NEBL: variants seen among roughly 807,000 people sequenced by gnomAD.
NEBL encodes the protein LIM and SH3 protein 2.
A neutral mutation model predicts 140.2 loss-of-function variants in NEBL; 122 were observed. That is an observed-to-expected ratio of 0.87 (90% CI 0.75 to 1.01). NEBL has a LOEUF of 1.01. Among genes scored for constraint, NEBL ranks in the 50% least tolerant of loss-of-function variants. NEBL has a pLI of 0.00. For missense variants in NEBL, 1,365 were observed against 1,231.3 expected, an observed-to-expected ratio of 1.11 and a Z score of -1.62; for synonymous variants, 436 against 398.9, an observed-to-expected ratio of 1.09 and a Z score of -1.11.
rs567183227 is a variant in NEBL, at chr10:21,205,230, C to T, written n.349-32753G>A. ...GGATACTATTTACAAAGTAAGATTACAATATCTGCCCCAAATGTGTAGCAA... is the reference window on the plus strand; with the variant it reads ...GGATACTATTTACAAAGTAAGATTATAATATCTGCCCCAAATGTGTAGCAA... On this transcript the variant is annotated intron_variant and non_coding_transcript_variant, in intron 3 of 8. Transcript: ENST00000675702. Among the ~76,000 whole-genome samples the T allele has an allele frequency of 1.1e-4, 16 of 152,326 alleles. 1 individual carries two copies. In the South Asian group the frequency reaches 3.1e-3, roughly 30 times the overall value.
intron 1 of NEBL, among the ~76,000 whole-genome samples, chr10:21,259,230 G>A (rs1842705336): frequency 6.6e-6 from 1 of 152,080 alleles, no homozygotes; most frequent in African/African-American, 2.4e-5. Context: ...TGGGATTACA[G>A]GAGTGTGCCA....
intron 4 of NEBL, 47 bp downstream of exon 4, chr10:20,888,050 T>C: frequency 7.7e-7 from 1 of 1,292,444 alleles, no homozygotes; most frequent in Non-Finnish European, 1.1e-6. Flanking sequence ...TTTTTCCAGT[T>C]ATATGTTTTA....
rs755744476 is a variant in NEBL, at chr10:20,819,450, T to A, written c.2029A>T (p.Arg677Trp). The change falls in exon 20 of 28, where the codon AGG becomes TGG. Residue 677 changes from arginine (R) to tryptophan (W), a missense_variant. Physicochemically the swap from Arg to Trp is moderately radical, Grantham distance 101. Around this residue, in one of 2 missense-constraint regions of NEBL, gnomAD observed 1,323 missense variants for 1,154.8 expected, o/e 1.15. Transcript: ENST00000377122. Reference protein sequence around the residue: ...VSMTPEIERVRRNQEQLSAVK... With the variant: ...VSMTPEIERVWRNQEQLSAVK... ...GCACTCAGCTGCTCCTGGTTTCGCC[T>A]CACTCTCTCTATCTCCGGGGTCATG... The A allele has an allele frequency of 1.2e-6, 2 of 1,614,124 alleles. No homozygotes were observed. Among genetic ancestry groups the A allele is most frequent in the African/African-American group, 2.7e-5 (2 of 75,054 alleles).
At chr10:21,029,933 G>A in intron 2 of NEBL, 1 of 583,844 alleles carries the variant, frequency 1.7e-6, no homozygotes, top group Non-Finnish European at 3.2e-6. Flanking sequence ...GGGTCGTGCA[G>A]CTCCAGAGAT....
At chr10:20,839,538 C>T (rs1049702210) in intron 13 of NEBL, among the ~76,000 whole-genome samples, 5 of 152,188 alleles carry the variant, frequency 3.3e-5, no homozygotes, top group African/African-American at 9.6e-5. Flanking sequence ...CTCCCTAGTC[C>T]CCACATATAT....
intron 1 of NEBL, among the ~76,000 whole-genome samples, chr10:21,290,036 C>A (rs528947907): frequency 2.0e-5 from 3 of 152,264 alleles, no homozygotes; most frequent in Admixed American, 2.0e-4. Context: ...TGATCTTTAC[C>A]CTGTTATGGG....
chr10:21,124,523 C>T (rs752210331), intron 2 of NEBL, among the ~76,000 whole-genome samples: 41 of 152,166 alleles, frequency 2.7e-4, no homozygotes, highest in Non-Finnish European at 5.1e-4. Flanking sequence ...CCACTTCAGG[C>T]TCATTAGGGT....
rs1186569120 is a variant in NEBL at position 20,787,254 on chromosome 10, A to T, written c.2816T>A (p.Met939Lys). Residue 939 changes from methionine to lysine, a missense_variant, in exon 27 of 28, where the codon ATG becomes AAG. Met to Lys is a moderately conservative substitution (Grantham distance 95, BLOSUM62 -1). Around this residue, in one of 2 missense-constraint regions of NEBL, gnomAD observed 1,323 missense variants for 1,154.8 expected, o/e 1.15. Transcript: ENST00000377122. The part of the protein sequence containing the change: ...QQSHSQGYGY[M>K]HQTSVSSMRS... ...CATGGATGACACACTGGTCTGGTGC[A>T]TGTAGCCATAGCCTTGGGAATGGCT... The T allele has an allele frequency of 6.2e-7, 1 of 1,613,646 alleles. No individual in the cohort carries two copies. The highest frequency in any genetic ancestry group is 1.7e-5 in the Admixed American group (1 of 59,972).
chr10:21,209,005 A>C (rs1841873476), intron 3 of NEBL, among the ~76,000 whole-genome samples: 1 of 152,124 alleles, frequency 6.6e-6, no homozygotes, highest in South Asian at 2.1e-4. Context: ...TTTATACAGC[A>C]AGGAATCTGG....
At chr10:21,234,373 C>T (rs890446992) in intron 3 of NEBL, among the ~76,000 whole-genome samples, 2 of 152,086 alleles carry the variant, frequency 1.3e-5, no homozygotes, top group East Asian at 1.9e-4. Context: ...AAGAGCCTGG[C>T]GCCACCACCT....
intron 3 of NEBL, among the ~76,000 whole-genome samples, chr10:21,004,433 C>T (rs1407060827): frequency 6.6e-6 from 1 of 152,074 alleles, no homozygotes; most frequent in Non-Finnish European, 1.5e-5. Context: ...AAATAAGAAT[C>T]ACCTGGGCCG....
intron 2 of NEBL, among the ~76,000 whole-genome samples, chr10:21,052,515 A>T (rs1834822066): frequency 6.6e-6 from 1 of 152,214 alleles, no homozygotes; most frequent in East Asian, 1.9e-4. Context: ...AAGTCAGTGG[A>T]ACAGGGGACT....
At chr10:21,078,558 G>A (rs895071230) in intron 2 of NEBL, among the ~76,000 whole-genome samples, 8 of 151,890 alleles carry the variant, frequency 5.3e-5, no homozygotes, top group African/African-American at 1.9e-4. Context: ...AACACACACA[G>A]CCCCCATCCC....
chr10:21,239,299 T>C (rs1030913213), intron 3 of NEBL, among the ~76,000 whole-genome samples: 4 of 152,140 alleles, frequency 2.6e-5, no homozygotes, highest in African/African-American at 9.7e-5. Context: ...GATGTTCAGA[T>C]GCTGAATAGT....
chr10:21,105,044 T>A (rs480272), intron 2 of NEBL, among the ~76,000 whole-genome samples: 72,828 of 152,036 alleles, frequency 0.48, 20,187 homozygotes, highest in African/African-American at 0.76. Flanking sequence ...TTTAAGGTTA[T>A]GCCAACCCTG....
At chr10:21,117,892 C>T (rs1290206120) in intron 2 of NEBL, among the ~76,000 whole-genome samples, 1 of 152,058 alleles carries the variant, frequency 6.6e-6, no homozygotes, top group Non-Finnish European at 1.5e-5. Flanking sequence ...AGTTATCTAA[C>T]CTGAGTCCAC....
intron 2 of NEBL, among the ~76,000 whole-genome samples, chr10:21,106,402 G>A (rs1319146252): frequency 4.6e-5 from 7 of 152,000 alleles, no homozygotes; most frequent in Admixed American, 6.6e-5. Context: ...CTTTCTACAC[G>A]TGGCTAGCCA....
intron 19 of NEBL, 100 bp downstream of exon 19, chr10:20,823,108 A>T (rs1424457671): frequency 1.2e-6 from 1 of 846,006 alleles, no homozygotes; most frequent in African/African-American, 1.7e-5. Flanking sequence ...TCTCGCAATG[A>T]GGTTCATTGT....
At chr10:20,962,672 C>T (rs1177141224) in intron 3 of NEBL, among the ~76,000 whole-genome samples, 1 of 152,136 alleles carries the variant, frequency 6.6e-6, no homozygotes, top group Admixed American at 6.5e-5. Context: ...ATGGTTACAT[C>T]ACTTTGTTCT....
Sources: allele counts gnomAD v4.1 joint callset (sites outside exome capture counted in the v4.1 genomes callset), GRCh38; gene constraint gnomAD v4.1.1; regional missense constraint gnomAD v4.1.1; transcripts MANE v1.5; gene names NCBI Gene and HGNC (gene_info 2026-07-23, HGNC 2026-07-21).